DAB1: variants seen among roughly 807,000 people sequenced by gnomAD.
DAB1 encodes disabled homolog 1.
A neutral mutation model predicts 64.6 loss-of-function variants in DAB1; 15 were observed. The ratio of observed to expected loss-of-function variants is 0.23; its 90% CI spans 0.16 to 0.36. The LOEUF (loss-of-function observed/expected upper bound fraction) is 0.36. Ranked by LOEUF, DAB1 falls within the 10% of genes least tolerant of loss-of-function variation. DAB1 has a pLI of 1.00. For missense variants in DAB1, 596 were observed against 706.7 expected (o/e 0.84, Z 1.78); for synonymous variants, 235 against 251.9 (o/e 0.93, Z 0.64).
At chr1:57,899,364 C>A (rs1344409201) in intron 5 of DAB1, among the ~76,000 whole-genome samples, 2 of 152,052 alleles carry the variant, frequency 1.3e-5, no homozygotes, top group Non-Finnish European at 2.9e-5. Flanking sequence ...TGATCTTATA[C>A]CATTGTTAGA....
intron 6 of DAB1, among the ~76,000 whole-genome samples, chr1:57,779,724 A>C (rs1649976101): frequency 2.0e-5 from 3 of 152,220 alleles, no homozygotes; most frequent in Admixed American, 1.3e-4. Context: ...ACATATGCCA[A>C]GTAACTGTGG....
intron 6 of DAB1, among the ~76,000 whole-genome samples, chr1:57,657,336 T>C (rs1646331035): frequency 6.6e-6 from 1 of 152,206 alleles, no homozygotes; most frequent in Non-Finnish European, 1.5e-5. Context: ...AATATTCTAA[T>C]TTGCATACAT....
chr1:58,252,513 G>A (rs767789560), intron 4 of DAB1, among the ~76,000 whole-genome samples: 1 of 151,946 alleles, frequency 6.6e-6, no homozygotes, highest in Admixed American at 6.5e-5. Context: ...GGCAAGAAAG[G>A]GAAACAGACA....
chr1:57,095,983 T>G (rs1277392935), intron 4 of DAB1, among the ~76,000 whole-genome samples: 2 of 152,230 alleles, frequency 1.3e-5, no homozygotes, highest in Non-Finnish European at 2.9e-5. Context: ...AGAATAATAG[T>G]AATCATAGCA....
At chr1:58,136,377 G>A (rs1239577830) in intron 5 of DAB1, among the ~76,000 whole-genome samples, 3 of 152,020 alleles carry the variant, frequency 2.0e-5, no homozygotes, top group South Asian at 2.1e-4. Context: ...TGTCCCCCAC[G>A]CCCTGTGTCC....
At chr1:57,359,848 A>T (rs1679406491) in intron 1 of DAB1, among the ~76,000 whole-genome samples, 1 of 152,082 alleles carries the variant, frequency 6.6e-6, no homozygotes, top group Non-Finnish European at 1.5e-5. Context: ...AAAGACAAAT[A>T]TTATATCCCC....
chr1:58,343,243 A>AGACG lies in DAB1; in HGVS notation n.309+108_309+109insCGTC, dbSNP rs1643959753. The AGACG allele has an allele frequency of 2.0e-5, 3 of 147,352 alleles. No homozygotes were observed. The East Asian group carries it at 6.0e-4, about 30-fold the overall frequency. The allele number at this position is 147,352 out of a possible 1,614,324, so 9.1% of individuals were successfully genotyped here. A position where few individuals can be genotyped will look rare whatever the true frequency, so the allele number is the denominator to read the frequency against. ...TCTTGTCTCTATAACTGGAACATAT[A>AGACG]GATGGATGGATGGATGGATGGATGG... On this transcript the variant is annotated intron_variant and non_coding_transcript_variant, in intron 4 of 20. Transcript: ENST00000485760.
intron 1 of DAB1, among the ~76,000 whole-genome samples, chr1:57,852,871 G>T (rs1653594232): frequency 6.6e-6 from 1 of 152,084 alleles, no homozygotes; most frequent in South Asian, 2.1e-4. Flanking sequence ...TGACTGTTTT[G>T]TTTGTGACAG....
At chr1:58,185,749 T>C (rs763287972) in intron 4 of DAB1, among the ~76,000 whole-genome samples, 12 of 152,134 alleles carry the variant, frequency 7.9e-5, no homozygotes, top group African/African-American at 1.2e-4. Flanking sequence ...CTCAAAGAGA[T>C]GGGGGAAGTT....
chr1:57,000,071 T>A (rs887773745), intron 14 of DAB1, among the ~76,000 whole-genome samples: 2 of 135,354 alleles, frequency 1.5e-5, no homozygotes, highest in African/African-American at 5.7e-5. Flanking sequence ...TGAGATGGAG[T>A]CTCACTCTGT....
chr1:57,389,756 G>A (rs1384249138), intron 1 of DAB1, among the ~76,000 whole-genome samples: 1 of 152,094 alleles, frequency 6.6e-6, no homozygotes, highest in Non-Finnish European at 1.5e-5. Flanking sequence ...TTCCCCAAAT[G>A]AAATGTATCT....
At chr1:58,411,131 T>C (rs1011491782) in intron 3 of DAB1, among the ~76,000 whole-genome samples, 3 of 152,242 alleles carry the variant, frequency 2.0e-5, no homozygotes, top group Non-Finnish European at 2.9e-5. Flanking sequence ...TACTCTTTTT[T>C]ATTCCATTCA....
chr1:57,800,740 A>G (rs762876830), intron 6 of DAB1, among the ~76,000 whole-genome samples: 4 of 152,280 alleles, frequency 2.6e-5, no homozygotes, highest in African/African-American at 7.2e-5. Context: ...AATCCCTTTC[A>G]TCAGTTCCAG....
At chr1:57,617,593 T>C (rs1479605277) in intron 7 of DAB1, among the ~76,000 whole-genome samples, 1 of 152,110 alleles carries the variant, frequency 6.6e-6, no homozygotes, top group African/African-American at 2.4e-5. Context: ...TTCCACTCCT[T>C]TGACACTGGC....
chr1:57,198,667 A>T (rs1266083433), intron 2 of DAB1, among the ~76,000 whole-genome samples: 87 of 150,730 alleles, frequency 5.8e-4, no homozygotes, highest in African/African-American at 1.5e-3. Flanking sequence ...ACACACACAC[A>T]CACACACACA....
chr1:57,417,130 T>C lies in DAB1; in HGVS notation c.-137+6800A>G, dbSNP rs371221765. Among the ~76,000 whole-genome samples, 17 of 152,294 alleles carry C rather than the reference T, an allele frequency of 1.1e-4. No individual in the cohort carries two copies. In the East Asian group the frequency reaches 1.5e-3, roughly 14 times the overall value. Reference sequence around the variant, plus strand: ...ATGTCTGCCAAGAGAAGGGGACGTATGATCAGAGAAAGGTTACCAGGAGGT... The same window carrying C: ...ATGTCTGCCAAGAGAAGGGGACGTACGATCAGAGAAAGGTTACCAGGAGGT... On this transcript the variant is annotated intron_variant, in intron 1 of 14. Coordinates refer to ENST00000371236, the MANE Select transcript of DAB1 (RefSeq NM_001365792.1).
At chr1:58,349,320 A>G (rs1186298296) in intron 3 of DAB1, among the ~76,000 whole-genome samples, 1 of 152,310 alleles carries the variant, frequency 6.6e-6, no homozygotes, top group East Asian at 1.9e-4. Context: ...CAAGTCACTG[A>G]GCATGAACCA....
At chr1:57,674,554 G>A (rs1172871120) in intron 6 of DAB1, among the ~76,000 whole-genome samples, 1 of 152,090 alleles carries the variant, frequency 6.6e-6, no homozygotes, top group Non-Finnish European at 1.5e-5. Flanking sequence ...TTTCTCAGGG[G>A]TCAGCGGTCT....
chr1:58,463,102 G>A (rs1231213899), intron 3 of DAB1, among the ~76,000 whole-genome samples: 1 of 152,208 alleles, frequency 6.6e-6, no homozygotes, highest in Non-Finnish European at 1.5e-5. Context: ...TACGAAACAA[G>A]TCTAAGAACA....
Sources: gnomAD v4.1 joint callset for allele counts (sites outside exome capture counted in the v4.1 genomes callset) on GRCh38, gnomAD v4.1.1 for gene constraint, MANE v1.5 for transcripts, NCBI Gene and HGNC (gene_info 2026-07-23, HGNC 2026-07-21) for gene names.